Variants in IFNLR1 observed in about 807,000 individuals in gnomAD.
IFNLR1 encodes the protein CRF2-12.
Under a neutral mutation model 52.5 loss-of-function variants are expected in IFNLR1, and 28 were observed. That is an observed-to-expected ratio of 0.53 (90% confidence interval 0.40 to 0.73). IFNLR1 has a LOEUF of 0.73. IFNLR1 is among the 30% of genes least tolerant of loss of function. The pLI is 0.00. For missense variants in IFNLR1, 623 were observed against 659.1 expected, an observed-to-expected ratio of 0.95 and a Z score of 0.60; for synonymous variants, 276 against 274.9, an observed-to-expected ratio of 1.00 and a Z score of -0.04.
chr1:24,170,990 G>T (rs1399347069), intron 2 of IFNLR1, among the ~76,000 whole-genome samples: 2 of 152,160 alleles, frequency 1.3e-5, no homozygotes, highest in African/African-American at 4.8e-5. Flanking sequence ...TCACACCAAA[G>T]GAACCAGTGT....
rs762984010 is a variant in IFNLR1 at position 24,169,487 on chromosome 1, G to C, written c.297C>G (p.Arg99=). Residue 99 remains arginine (R), a synonymous_variant, in exon 3 of 7, where the codon CGC becomes CGG. Transcript: ENST00000327535. ...TGGAGCTGGGAGAAACCGTCCGCAC[G>C]CGTCCCTTGAACTTGTTGTACAGGT... ...KQDLYNKFKG[R]VRTVSPSSKS... The C allele has an allele frequency of 2.2e-5, 35 of 1,614,060 alleles. No homozygotes were observed. The Admixed American group carries it at 5.8e-4, about 27-fold the overall frequency.
At chr1:24,167,087 T>C (rs1308953198) in intron 3 of IFNLR1, among the ~76,000 whole-genome samples, 1 of 152,226 alleles carries the variant, frequency 6.6e-6, no homozygotes, top group Non-Finnish European at 1.5e-5. Flanking sequence ...GGAGGAGGAA[T>C]GGCACATTCA....
chr1:24,171,830 T>C (rs558493088), intron 2 of IFNLR1, among the ~76,000 whole-genome samples: 2 of 151,540 alleles, frequency 1.3e-5, no homozygotes, highest in South Asian at 2.1e-4. Flanking sequence ...CTAATTTTTA[T>C]ATTTTAGTAG....
intron 1 of IFNLR1, among the ~76,000 whole-genome samples, chr1:24,185,068 T>C (rs1434339087): frequency 6.6e-6 from 1 of 152,118 alleles, no homozygotes; most frequent in African/African-American, 2.4e-5. Context: ...TAATGTGTAT[T>C]GTGTTCTGTG....
chr1:24,182,945 A>ATAAATAAATAAC (rs943157838), intron 1 of IFNLR1, among the ~76,000 whole-genome samples: 2 of 148,594 alleles, frequency 1.3e-5, no homozygotes, highest in Non-Finnish European at 3.0e-5. Flanking sequence ...AAATAAATAA[A>ATAAATAAATAAC]TAAGTAAACA....
At chr1:24,167,084 G>A (rs1644527803) in intron 3 of IFNLR1, among the ~76,000 whole-genome samples, 1 of 152,218 alleles carries the variant, frequency 6.6e-6, no homozygotes, top group Non-Finnish European at 1.5e-5. Context: ...AATGGAGGAG[G>A]AATGGCACAT....
In IFNLR1 at chr1:24,182,496, C is replaced by T. The variant is rs565390995; in HGVS notation, c.59-1642G>A. 1.6e-3 allele frequency among the ~76,000 whole-genome samples: 242 copies of T among 152,266 alleles called. 1 individual carries two copies. The highest frequency in any genetic ancestry group is 2.5e-3 in the Non-Finnish European group (168 of 68,024). The stretch of plus-strand genomic sequence containing the variant: ...TTTTTTTCCTGAAAATTCATTTTAA[C>T]TTGAAAGTATGTTTTTAATTCCCCT... On this transcript the variant is annotated intron_variant, in intron 1 of 6. Coordinates refer to ENST00000327535, the MANE Select transcript of IFNLR1 (RefSeq NM_170743.4).
rs375986096 is a variant in IFNLR1, at chr1:24,157,169, C to T, written c.1524G>A (p.Glu508=). ...SWGAESTQRT[E]DRGRTLGHYM... is the part of the protein sequence containing the mutation. ...AATGCCCCAATGTCCGGCCCCTGTC[C>T]TCGGTCCTCTGGGTGCTCTCAGCCC... Residue 508 remains glutamate, a synonymous_variant, in exon 7 of 7, where the codon GAG becomes GAA. Transcript: ENST00000327535. The surrounding 1 kb of genome is among the most constrained non-coding windows in gnomAD (Gnocchi z 5.1). 24 of 1,613,776 alleles carry T rather than the reference C, an allele frequency of 1.5e-5. No individual in the cohort carries two copies. Among genetic ancestry groups the T allele is most frequent in the African/African-American group, 1.3e-4 (10 of 74,908 alleles).
At chr1:24,159,254 T>G (rs770914375) in intron 5 of IFNLR1, 72 bp from the exon 6 acceptor site, 4 of 1,545,456 alleles carry the variant, frequency 2.6e-6, no homozygotes, top group Non-Finnish European at 3.6e-6. Flanking sequence ...TGCCGAGTGC[T>G]TCACATACAT....
At chr1:24,168,856 G>T (rs1038788929) in intron 3 of IFNLR1, among the ~76,000 whole-genome samples, 30 of 152,114 alleles carry the variant, frequency 2.0e-4, no homozygotes, top group African/African-American at 7.2e-4. Context: ...CGATTCTCCT[G>T]CCTCAGCCTC....
chr1:24,172,743 T>C (rs1309459853), intron 2 of IFNLR1, among the ~76,000 whole-genome samples: 1 of 152,156 alleles, frequency 6.6e-6, no homozygotes, highest in Admixed American at 6.6e-5. Flanking sequence ...AGGGCTGCCA[T>C]GGTAAGACAC....
At chr1:24,162,887 CCTTCCT>C (rs1456719636) in intron 3 of IFNLR1, among the ~76,000 whole-genome samples, 1 of 60,328 alleles carries the variant, frequency 1.7e-5, no homozygotes, top group Non-Finnish European at 3.3e-5. Context: ...TTCCTTCCTT[CCTTCCT>C]TCCTTCCTTC....
At chr1:24,167,846 C>T (rs1644535424) in intron 3 of IFNLR1, among the ~76,000 whole-genome samples, 1 of 152,094 alleles carries the variant, frequency 6.6e-6, no homozygotes, top group South Asian at 2.1e-4. Flanking sequence ...AGGCGCACAT[C>T]ATCACGCCCA....
intron 3 of IFNLR1, 146 bp downstream of exon 3, chr1:24,169,271 A>G (rs1644552612): frequency 4.2e-6 from 3 of 709,924 alleles, no homozygotes; most frequent in Non-Finnish European, 7.0e-6. Flanking sequence ...CCCACACCCC[A>G]TCTCAAAGGG....
At chr1:24,161,515 C>T in intron 4 of IFNLR1, 27 bp downstream of exon 4, 1 of 1,553,372 alleles carries the variant, frequency 6.4e-7, no homozygotes, top group South Asian at 1.2e-5. Flanking sequence ...GCGGGCCTAG[C>T]CTGGGGGCAG....
chr1:24,169,371 G>A (rs764583278), intron 3 of IFNLR1, 46 bp downstream of exon 3: 6 of 1,549,746 alleles, frequency 3.9e-6, no homozygotes, highest in African/African-American at 1.4e-5. Flanking sequence ...ACAGCTCCCC[G>A]ATGGGATGGA....
Position 24,159,055 on chromosome 1 carries a change from G to A in IFNLR1, c.798C>T (p.Ala266=). Residue 266 remains alanine (A), a synonymous_variant, in exon 6 of 7, where the codon GCC becomes GCT. Transcript: ENST00000327535. ...CACACCCCCAGATTTGCTATACCAG[G>A]GCCCGTGGCATCTTTGCCCGCTGAA... The part of the protein sequence containing the change: ...PWFQRAKMPR[A]LDFSGHTHPV... The A allele has an allele frequency of 6.2e-7, 1 of 1,613,856 alleles. No individual in the cohort carries two copies. Among genetic ancestry groups the A allele is most frequent in the Non-Finnish European group, 8.5e-7 (1 of 1,179,954 alleles).
chr1:24,170,973 C>T (rs1644572941), intron 2 of IFNLR1, among the ~76,000 whole-genome samples: 1 of 152,118 alleles, frequency 6.6e-6, no homozygotes, highest in African/African-American at 2.4e-5. Context: ...TTATACTATG[C>T]AAATATTCAC....
chr1:24,179,649 C>T (rs1439033459), intron 2 of IFNLR1, among the ~76,000 whole-genome samples: 1 of 152,182 alleles, frequency 6.6e-6, no homozygotes. Context: ...TCAGACAAGA[C>T]ACAGCACCCT....
Sources: allele counts gnomAD v4.1 joint callset (sites outside exome capture counted in the v4.1 genomes callset), GRCh38; gene constraint gnomAD v4.1.1; non-coding constraint Gnocchi (gnomAD v3.1); transcripts MANE v1.5; gene names NCBI Gene and HGNC (gene_info 2026-07-23, HGNC 2026-07-21).